The following KIR3DL1 variants were observed in gnomAD, a reference collection of about 807,000 sequenced individuals.
KIR3DL1 encodes killer cell immunoglobulin-like receptor 3DL1.
Under a neutral mutation model 40.3 loss-of-function variants are expected in KIR3DL1, and 50 were observed. The ratio of observed to expected loss-of-function variants is 1.24; its 90% CI spans 0.99 to 1.57. KIR3DL1 has a LOEUF of 1.57. Ranked by LOEUF, KIR3DL1 falls within the 40% of genes most tolerant of loss-of-function variation. The probability of loss-of-function intolerance (pLI) is 0.00; values close to 1 mark genes in which losing one functional copy is unlikely to be tolerated. For missense variants in KIR3DL1, 661 were observed against 559.9 expected, an observed-to-expected ratio of 1.18 and a Z score of -1.82; for synonymous variants, 257 against 207.2, an observed-to-expected ratio of 1.24 and a Z score of -2.07.
At position 54,821,874 on chromosome 19, in the gene KIR3DL1, A is replaced by T; in HGVS notation, c.949+16A>T. On this transcript the variant is annotated intron_variant, in intron 5 of 8. Transcript: ENST00000391728. ...TCTGTCACAGGTGAGAAAAGCCCAT[A>T]TCTCTCTCATGTCCTATGATCCTAA... 2 of 1,594,696 alleles carry T rather than the reference A, an allele frequency of 1.3e-6. No individual in the cohort carries two copies. The highest frequency in any genetic ancestry group is 4.5e-5 in the East Asian group (2 of 44,422).
chr19:54,824,174 C>G (rs2061770999), intron 5 of KIR3DL1, among the ~76,000 whole-genome samples: 1 of 151,632 alleles, frequency 6.6e-6, no homozygotes, highest in African/African-American at 2.4e-5. Context: ...TTTCGTCAGA[C>G]AAATGTCTTC....
At chr19:54,823,331 C>T (rs893554183) in intron 5 of KIR3DL1, among the ~76,000 whole-genome samples, 1 of 151,122 alleles carries the variant, frequency 6.6e-6, no homozygotes, top group African/African-American at 2.4e-5. Context: ...GCCACTATGC[C>T]CAGCCTCCTT....
chr19:54,823,885 C>T (rs945082414), intron 5 of KIR3DL1, among the ~76,000 whole-genome samples: 3 of 151,404 alleles, frequency 2.0e-5, no homozygotes, highest in African/African-American at 7.3e-5. Flanking sequence ...TATACGTGAT[C>T]GCCATTTCTA....
intron 5 of KIR3DL1, among the ~76,000 whole-genome samples, chr19:54,823,314 G>T (rs2061729973): frequency 6.6e-6 from 1 of 151,108 alleles, no homozygotes; most frequent in Non-Finnish European, 1.5e-5. Flanking sequence ...TGAAGTTACA[G>T]GCATAAGCCA....
At chr19:54,817,392 T>C in intron 1 of KIR3DL1, 142 bp from the exon 2 acceptor site, 2 of 748,724 alleles carry the variant, frequency 2.7e-6, no homozygotes, top group South Asian at 2.8e-5. Context: ...AGATCCTTGT[T>C]CCTGGGGGCA....
chr19:54,826,134 T>C (rs1451068709), intron 6 of KIR3DL1, among the ~76,000 whole-genome samples: 1 of 150,450 alleles, frequency 6.6e-6, no homozygotes, highest in Non-Finnish European at 1.5e-5. Context: ...GACAGGGACA[T>C]TTTGGGGTGG....
chr19:54,828,610 C>G (rs1279779337), intron 6 of KIR3DL1, among the ~76,000 whole-genome samples: 1 of 150,626 alleles, frequency 6.6e-6, no homozygotes, highest in African/African-American at 2.5e-5. Flanking sequence ...GGGTTTTGTA[C>G]CCTGGAGCCA....
chr19:54,830,518 G>T lies in KIR3DL1; in HGVS notation c.*243G>T, dbSNP rs2062174008. On this transcript the variant is annotated 3_prime_UTR_variant, in exon 9 of 9. Transcript: ENST00000391728. ...TAGCCCACAGTTCTCCATTTCACTT[G>T]ACCCCTGCCCACCTCTCCAACCTAA... 7.5e-6 allele frequency: 4 copies of T among 536,902 alleles called. 1 individual carries two copies. Among genetic ancestry groups the T allele is most frequent in the Admixed American group, 3.4e-5 (1 of 29,210 alleles). 33.3% of individuals were successfully genotyped at this position (536,902 alleles called of 1,614,324 possible). A position where few individuals can be genotyped will look rare whatever the true frequency, so the allele number is the denominator to read the frequency against.
At chr19:54,823,703 G>A (rs1371971972) in intron 5 of KIR3DL1, among the ~76,000 whole-genome samples, 4 of 151,400 alleles carry the variant, frequency 2.6e-5, no homozygotes, top group Admixed American at 2.6e-4. Flanking sequence ...TCTCCATGAT[G>A]GTCAGGCTGG....
At chr19:54,819,533 G>C (rs2061523572) in intron 3 of KIR3DL1, among the ~76,000 whole-genome samples, 180 bp from the exon 4 acceptor site, 2 of 151,360 alleles carry the variant, frequency 1.3e-5, no homozygotes, top group Non-Finnish European at 2.9e-5. Flanking sequence ...GAGGGACAGA[G>C]AAGAGGGAGG....
chr19:54,823,409 G>A (rs1323572388), intron 5 of KIR3DL1, among the ~76,000 whole-genome samples: 2 of 151,316 alleles, frequency 1.3e-5, no homozygotes, highest in Admixed American at 1.3e-4. Context: ...CCTACCAACA[G>A]GGTACCAGGG....
At chr19:54,825,179 G>A in intron 6 of KIR3DL1, 101 bp downstream of exon 6, 2 of 805,766 alleles carry the variant, frequency 2.5e-6, no homozygotes, top group Non-Finnish European at 4.3e-6. Flanking sequence ...GTGAATGAGG[G>A]CCTGTCTTCC....
chr19:54,819,517 G>C (rs2061522837), intron 3 of KIR3DL1, among the ~76,000 whole-genome samples, 196 bp from the exon 4 acceptor site: 1 of 151,328 alleles, frequency 6.6e-6, no homozygotes. Flanking sequence ...GGGGCTACTG[G>C]AGACAGAGGG....
exon 3 of KIR3DL1, chr19:54,818,539 C>A (rs778638220): frequency 3.1e-6 from 5 of 1,611,554 alleles, no homozygotes; most frequent in African/African-American, 2.7e-5. Context: ...TCGGGGTTCA[C>A]ACCCACACTC....
intron 5 of KIR3DL1, among the ~76,000 whole-genome samples, chr19:54,822,197 C>T (rs1392560542): frequency 6.6e-6 from 1 of 151,226 alleles, no homozygotes; most frequent in Non-Finnish European, 1.5e-5. Flanking sequence ...GGCCTCTCAC[C>T]CACACAGAGA....
In KIR3DL1 at chr19:54,818,445, C is replaced by T. The variant is rs1278273163; in HGVS notation, c.201C>T (p.His67=). Residue 67 remains histidine, a synonymous_variant, in exon 3 of 9, where the codon CAC becomes CAT. Coordinates refer to ENST00000391728, the Ensembl canonical transcript of KIR3DL1. ...TGCTATACAAAGAAGACAGAATCCA[C>T]ATTCCCATCTTCCATGGCAGAATAT... The T allele has an allele frequency of 4.0e-5, 64 of 1,607,110 alleles. 1 individual carries two copies. Among genetic ancestry groups the T allele is most frequent in the East Asian group, 3.1e-4 (14 of 44,704 alleles).
chr19:54,827,880 C>G (rs958505785), intron 6 of KIR3DL1, among the ~76,000 whole-genome samples: 3 of 150,016 alleles, frequency 2.0e-5, no homozygotes, highest in Non-Finnish European at 4.4e-5. Flanking sequence ...AAAACTTGCC[C>G]CCTCACCCAA....
chr19:54,818,741 G>A (rs1203739415), intron 3 of KIR3DL1, 142 bp downstream of exon 3: 3 of 1,098,992 alleles, frequency 2.7e-6, no homozygotes, highest in Non-Finnish European at 3.9e-6. Context: ...GGAAATGGGT[G>A]CTGTGGTGGG....
At chr19:54,817,200 A>G (rs35658498) in intron 1 of KIR3DL1, among the ~76,000 whole-genome samples, 15,973 of 122,014 alleles carry the variant, frequency 0.13, 1,232 homozygotes, top group Non-Finnish European at 0.16. Context: ...TGGATATATG[A>G]GCCTGGAGTT....
Sources: gnomAD v4.1 joint callset for allele counts (sites outside exome capture counted in the v4.1 genomes callset) on GRCh38, gnomAD v4.1.1 for gene constraint, MANE v1.5 for transcripts, NCBI Gene and HGNC (gene_info 2026-07-23, HGNC 2026-07-21) for gene names.